CATSPERG: variants seen among roughly 807,000 people sequenced by gnomAD.
CATSPERG encodes the protein catsper channel auxiliary subunit gamma.
Under a neutral mutation model 145.0 loss-of-function variants are expected in CATSPERG, and 115 were observed. The observed-to-expected ratio is 0.79, with a 90% CI of 0.68 to 0.93. The LOEUF (loss-of-function observed/expected upper bound fraction) is 0.93. Ranked by LOEUF, CATSPERG falls within the 40% of genes least tolerant of loss-of-function variation. The probability of loss-of-function intolerance (pLI) is 0.00; values close to 1 mark genes in which losing one functional copy is unlikely to be tolerated. For missense variants in CATSPERG, 1,296 were observed against 1,490.1 expected, an observed-to-expected ratio of 0.87 and a Z score of 2.14; for synonymous variants, 588 against 589.0, an observed-to-expected ratio of 1.00 and a Z score of 0.02.
chr19:38,347,645 AAG>A, intron 7 of CATSPERG, among the ~76,000 whole-genome samples: 1 of 152,292 alleles, frequency 6.6e-6, no homozygotes, highest in Admixed American at 6.5e-5. Context: ...AACTGGCTTT[AAG>A]AAGTGCACCC....
At position 38,360,757 on chromosome 19, in the gene CATSPERG, G is replaced by A; in HGVS notation, c.1794G>A (p.Lys598=). The A allele has an allele frequency of 6.2e-7, 1 of 1,614,104 alleles. No individual in the cohort carries two copies. Among genetic ancestry groups the A allele is most frequent in the Admixed American group, 1.7e-5 (1 of 60,008 alleles). ...TGGTGTACCTTATGAACAACCAGAA[G>A]GGCCAGCTGGTCAAGAGGCTCGTGC... ...YQLVYLMNNQ[K]GQLVKRLVPV... The change falls in exon 16 of 29, where the codon AAG becomes AAA. Residue 598 remains lysine (K), a synonymous_variant. Transcript: ENST00000409235.
intron 1 of CATSPERG, 51 bp from the exon 2 acceptor site, chr19:38,337,170 G>T (rs898895256): frequency 1.2e-4 from 181 of 1,531,212 alleles, no homozygotes; most frequent in Non-Finnish European, 1.5e-4. Context: ...TCTTAAAAGT[G>T]GGCTCCAGAG....
At chr19:38,336,679 CA>C (rs1969842541) in intron 1 of CATSPERG, 1 of 239,978 alleles carries the variant, frequency 4.2e-6, no homozygotes, top group Non-Finnish European at 8.5e-6. Context: ...GGTGGAAGTA[CA>C]CGGGTGCGAT....
In CATSPERG at chr19:38,362,416, G is replaced by A; in HGVS notation, c.2198G>A (p.Gly733Asp). 1 of 1,614,150 alleles carries A rather than the reference G, an allele frequency of 6.2e-7. No individual in the cohort carries two copies. Among genetic ancestry groups the A allele is most frequent in the Middle Eastern group, 1.6e-4 (1 of 6,062 alleles). ...FFLASNWRSA[G>D]GVSIEMDSYE... ...TTGGCGAGCAATTGGCGAAGCGCGG[G>A]CGGCGTGTCCATAGAAATGGACAGC... Residue 733 changes from glycine to aspartate, a missense_variant, in exon 19 of 29, where the codon GGC becomes GAC. Physicochemically the swap from Gly to Asp is moderately conservative, Grantham distance 94. Transcript: ENST00000409235.
chr19:38,353,977 T>C (rs1970198177), intron 8 of CATSPERG, among the ~76,000 whole-genome samples: 2 of 104,048 alleles, frequency 1.9e-5, no homozygotes, highest in East Asian at 3.0e-4. Flanking sequence ...GGCGACAGAG[T>C]AAGACTCTGT....
At chr19:38,336,117 G>T (rs767738724) in intron 1 of CATSPERG, 1 of 449,358 alleles carries the variant, frequency 2.2e-6, no homozygotes, top group South Asian at 1.6e-5. Flanking sequence ...GAGAGTCGGG[G>T]TATAGAGCAG....
Position 38,354,951 on chromosome 19 carries a change from A to G in CATSPERG, c.1135+104A>G. The G allele has an allele frequency of 2.2e-6, 3 of 1,353,960 alleles. 1 individual carries two copies. The highest frequency in any genetic ancestry group is 3.0e-6 in the Non-Finnish European group (3 of 985,518). The allele number at this position is 1,353,960 out of a possible 1,614,324, so 83.9% of individuals were successfully genotyped here. On this transcript the variant is annotated intron_variant, in intron 9 of 28. Transcript: ENST00000409235. ...TCACTCATTACCATGTGCCCTGAGG[A>G]GGGCCCCTAGGCTGAGGGTGATGGT...
chr19:38,358,309 C>T lies in CATSPERG; in HGVS notation c.1347C>T (p.Ile449=). The T allele has an allele frequency of 6.2e-7, 1 of 1,614,162 alleles. No homozygotes were observed. Among genetic ancestry groups the T allele is most frequent in the African/African-American group, 1.3e-5 (1 of 75,026 alleles). Residue 449 remains isoleucine (I), a synonymous_variant, in exon 12 of 29, where the codon ATC becomes ATT. Coordinates refer to ENST00000409235, the MANE Select transcript of CATSPERG (RefSeq NM_021185.5). ...ATGACCTGGAACTTCTCTACCACAT[C>T]CCAGAATTCATCCCTGAAGGTAGGA... is the stretch of plus-strand genomic sequence containing the variant. ...ASDDLELLYH[I]PEFIPEARGL...
chr19:38,344,396 CA>C, intron 6 of CATSPERG, 28 bp downstream of exon 6: 1 of 1,541,328 alleles, frequency 6.5e-7, no homozygotes, highest in Non-Finnish European at 8.8e-7. Context: ...GGGAAAAAGA[CA>C]ATGGTCTGGG....
intron 16 of CATSPERG, 125 bp downstream of exon 16, chr19:38,360,968 G>C: frequency 1.3e-6 from 1 of 785,834 alleles, no homozygotes; most frequent in Non-Finnish European, 2.1e-6. Context: ...ATGATGGCAG[G>C]AGTTCAGCAC....
At chr19:38,345,759 G>A (rs548139766) in intron 6 of CATSPERG, among the ~76,000 whole-genome samples, 1 of 150,452 alleles carries the variant, frequency 6.6e-6, no homozygotes, top group South Asian at 2.1e-4. Flanking sequence ...TGATCCACCT[G>A]CCTCAGCCTC....
chr19:38,360,676 G>A (rs761092123), intron 15 of CATSPERG, 29 bp downstream of exon 15: 6 of 1,613,910 alleles, frequency 3.7e-6, no homozygotes, highest in African/African-American at 1.3e-5. Flanking sequence ...CGGGGACATC[G>A]GGGCACCCCA....
intron 6 of CATSPERG, among the ~76,000 whole-genome samples, chr19:38,344,901 ATTTT>A (rs1158525255): frequency 5.0e-5 from 4 of 80,012 alleles, no homozygotes; most frequent in African/African-American, 1.4e-4. Flanking sequence ...ATATATATAT[ATTTT>A]TTTTTTTTTT....
At chr19:38,362,944 A>G in intron 20 of CATSPERG, 112 bp downstream of exon 20, 2 of 732,596 alleles carry the variant, frequency 2.7e-6, no homozygotes, top group South Asian at 1.8e-5. Flanking sequence ...CAGTGGAGCG[A>G]TCACTGCATT....
chr19:38,340,948 C>T (rs1969928363), intron 3 of CATSPERG, among the ~76,000 whole-genome samples: 1 of 152,102 alleles, frequency 6.6e-6, no homozygotes, highest in East Asian at 1.9e-4. Context: ...TCTGGAAAGG[C>T]TTGAGCAGAG....
chr19:38,362,331 C>T, intron 18 of CATSPERG, 45 bp from the exon 19 acceptor site: 2 of 1,613,352 alleles, frequency 1.2e-6, no homozygotes, highest in South Asian at 1.1e-5. Flanking sequence ...CCTCACCGTG[C>T]CCCACCCCCG....
Position 38,361,778 on chromosome 19 carries a change from T to C in CATSPERG, c.2011T>C (p.Ser671Pro). The C allele has an allele frequency of 6.2e-7, 1 of 1,612,874 alleles. No individual in the cohort carries two copies. The highest frequency in any genetic ancestry group is 1.7e-5 in the Admixed American group (1 of 59,898). ...RARPPRVLER[S>P]GFHNENSLAI... The stretch of plus-strand genomic sequence containing the variant: ...GCGGCCGCCGCGCGTCCTGGAGCGC[T>C]CGGGCTTCCACAACGAGAACTCGCT... Residue 671 changes from serine to proline, a missense_variant, in exon 17 of 29, where the codon TCG (serine) becomes CCG (proline). By Grantham distance (74) the Ser-to-Pro change is moderately conservative. Coordinates refer to ENST00000409235, the MANE Select transcript of CATSPERG (RefSeq NM_021185.5).
At chr19:38,364,840 G>A in intron 20 of CATSPERG, 51 bp from the exon 21 acceptor site, 1 of 1,418,376 alleles carries the variant, frequency 7.1e-7, no homozygotes, top group Non-Finnish European at 1.0e-6. Context: ...TTGGACTTTG[G>A]GGAGACCTGT....
rs1457377002 is a variant in CATSPERG, at chr19:38,362,270, C to G, written c.2155C>G (p.Gln719Glu). 4 of 1,613,486 alleles carry G rather than the reference C, an allele frequency of 2.5e-6. No homozygotes were observed. The highest frequency in any genetic ancestry group is 3.4e-6 in the Non-Finnish European group (4 of 1,179,678). The change falls in exon 18 of 29, where the codon CAG (glutamine) becomes GAG (glutamate). Residue 719 changes from glutamine (Q) to glutamate (E), a missense_variant and splice_region_variant. Coordinates refer to ENST00000409235, the MANE Select transcript of CATSPERG (RefSeq NM_021185.5). ...WRWWANNKQD[Q>E]DYYFFLASNW... ...CTGGTGGGCGAACAACAAACAAGAC[C>G]AGGTAGGCGGAGCGGATTGGGAGCC...
Sources: allele counts gnomAD v4.1 joint callset (sites outside exome capture counted in the v4.1 genomes callset), GRCh38; gene constraint gnomAD v4.1.1; transcripts MANE v1.5; gene names NCBI Gene and HGNC (gene_info 2026-07-23, HGNC 2026-07-21).